The following RIMS2 variants were observed in gnomAD, a reference collection of about 807,000 sequenced individuals.
RIMS2 encodes the protein regulating synaptic membrane exocytosis 2, also known as regulating synaptic membrane exocytosis protein 2.
A neutral mutation model predicts 174.4 loss-of-function variants in RIMS2; 59 were observed. That is an observed-to-expected ratio of 0.34 (90% CI 0.27 to 0.42). RIMS2 has a LOEUF of 0.42. Ranked by LOEUF, RIMS2 falls within the 10% of genes least tolerant of loss-of-function variation. RIMS2 has a pLI of 1.00. For synonymous variants in RIMS2, 606 were observed against 572.5 expected (o/e 1.06, Z -0.84); for missense variants, 1,620 against 1,666.3 (o/e 0.97, Z 0.48).
chr8:103,609,315 A>G (rs542387843), intron 1 of RIMS2, among the ~76,000 whole-genome samples: 1 of 152,242 alleles, frequency 6.6e-6, no homozygotes, highest in East Asian at 1.9e-4. Context: ...TTGTCTGTTC[A>G]CTTTGTTGAT....
chr8:104,061,808 A>G (rs2096997160), intron 19 of RIMS2, among the ~76,000 whole-genome samples: 1 of 151,948 alleles, frequency 6.6e-6, no homozygotes, highest in Non-Finnish European at 1.5e-5. Context: ...CAATTAGATA[A>G]TTACCTGTTT....
At chr8:103,609,014 C>G (rs977209539) in intron 1 of RIMS2, among the ~76,000 whole-genome samples, 3 of 152,112 alleles carry the variant, frequency 2.0e-5, no homozygotes, top group Admixed American at 6.5e-5. Context: ...CTTGGCTCCT[C>G]CCTCCCATTT....
At chr8:103,541,533 T>C (rs1842587055) in intron 1 of RIMS2, among the ~76,000 whole-genome samples, 1 of 152,168 alleles carries the variant, frequency 6.6e-6, no homozygotes, top group South Asian at 2.1e-4. Flanking sequence ...GGAGAGTTAT[T>C]CAAACTGAAA....
intron 19 of RIMS2, among the ~76,000 whole-genome samples, chr8:104,179,815 A>G (rs138220336): frequency 3.2e-4 from 49 of 151,782 alleles, no homozygotes; most frequent in African/African-American, 1.1e-3. Context: ...TCAAAATAAT[A>G]CAAATACCTA....
At chr8:104,183,600 CT>C (rs144284050) in intron 19 of RIMS2, among the ~76,000 whole-genome samples, 379 of 151,418 alleles carry the variant, frequency 2.5e-3, no homozygotes, top group African/African-American at 8.3e-3. Context: ...TAAACTTTGA[CT>C]TTTTTTAGAG....
At chr8:104,206,290 G>T (rs1318610191) in intron 19 of RIMS2, among the ~76,000 whole-genome samples, 1 of 152,158 alleles carries the variant, frequency 6.6e-6, no homozygotes, top group African/African-American at 2.4e-5. Flanking sequence ...ATTAATTTTT[G>T]CATGGTCTGA....
At chr8:104,172,775 G>C (rs1563532506) in intron 19 of RIMS2, among the ~76,000 whole-genome samples, 1 of 152,196 alleles carries the variant, frequency 6.6e-6, no homozygotes, top group Non-Finnish European at 1.5e-5. Context: ...AAGAGGATAT[G>C]ACTAAGTGTG....
At chr8:104,242,578 G>A (rs1419913592) in intron 19 of RIMS2, among the ~76,000 whole-genome samples, 1 of 152,134 alleles carries the variant, frequency 6.6e-6, no homozygotes, top group Non-Finnish European at 1.5e-5. Flanking sequence ...TTGTTTTCAT[G>A]ATATTAACTT....
At chr8:103,778,751 C>A (rs183640746) in intron 3 of RIMS2, among the ~76,000 whole-genome samples, 38 of 152,184 alleles carry the variant, frequency 2.5e-4, no homozygotes, top group Admixed American at 2.3e-3. Flanking sequence ...AATTTCATTT[C>A]TTTTGGATGT....
At chr8:103,580,430 A>G (rs2093537452) in intron 1 of RIMS2, among the ~76,000 whole-genome samples, 1 of 138,290 alleles carries the variant, frequency 7.2e-6, no homozygotes, top group Admixed American at 7.9e-5. Context: ...GTAAAAACAA[A>G]GACTATATGT....
In RIMS2 at chr8:103,587,680, A is replaced by T. The variant is rs199995906; in HGVS notation, c.176+86618A>T. Among the ~76,000 whole-genome samples the T allele has an allele frequency of 2.5e-4, 38 of 152,264 alleles. No individual in the cohort carries two copies. The East Asian group carries it at 4.6e-3, about 19-fold the overall frequency. ...AAAAACCATATGATCATTTTAATTG[A>T]TGCTGAAAAAGCATTTGATAAAATT... On this transcript the variant is annotated intron_variant, in intron 1 of 23. Transcript: ENST00000504942.
chr8:103,782,363 G>A (rs1017263843), intron 3 of RIMS2, among the ~76,000 whole-genome samples: 5 of 151,704 alleles, frequency 3.3e-5, no homozygotes, highest in African/African-American at 1.2e-4. Context: ...TGTTTAGTCT[G>A]TAATGATGAA....
At chr8:103,693,786 C>T (rs1294235406) in intron 1 of RIMS2, among the ~76,000 whole-genome samples, 3 of 152,118 alleles carry the variant, frequency 2.0e-5, no homozygotes, top group African/African-American at 7.2e-5. Flanking sequence ...TGTTGTGGGC[C>T]GATTCATTTG....
chr8:104,000,601 T>C (rs1390505632), intron 17 of RIMS2, among the ~76,000 whole-genome samples: 8 of 151,878 alleles, frequency 5.3e-5, no homozygotes, highest in African/African-American at 1.9e-4. Flanking sequence ...GATCATATGA[T>C]AGTTCCATGT....
rs546530991 is a variant in RIMS2, at chr8:103,793,889, C to A, written c.698+27352C>A. 9.9e-5 allele frequency among the ~76,000 whole-genome samples: 15 copies of A among 152,136 alleles called. No homozygotes were observed. In the South Asian group the frequency reaches 3.1e-3, roughly 32 times the overall value. ...CCAACTTACAAGGGATGTGAAGGAC[C>A]TCTTCAAGGAGAACTACAAACCACT... On this transcript the variant is annotated intron_variant, in intron 3 of 23. Coordinates refer to ENST00000504942, the Ensembl canonical transcript of RIMS2.
At chr8:103,565,504 C>T (rs1423163718) in intron 1 of RIMS2, among the ~76,000 whole-genome samples, 1 of 152,028 alleles carries the variant, frequency 6.6e-6, no homozygotes, top group Non-Finnish European at 1.5e-5. Flanking sequence ...GTCGTTTTTG[C>T]CATTTTGCCC....
chr8:103,800,818 C>A (rs1299242042), intron 3 of RIMS2, among the ~76,000 whole-genome samples: 1 of 152,076 alleles, frequency 6.6e-6, no homozygotes, highest in African/African-American at 2.4e-5. Flanking sequence ...TTGATTTAAT[C>A]AGGGAATGCT....
intron 3 of RIMS2, among the ~76,000 whole-genome samples, chr8:103,785,000 G>GAA (rs1201624552): frequency 7.1e-6 from 1 of 141,728 alleles, no homozygotes; most frequent in African/African-American, 2.7e-5. Flanking sequence ...TTGTAAGTTG[G>GAA]ATTCCTAGGT....
intron 1 of RIMS2, among the ~76,000 whole-genome samples, chr8:103,593,648 C>G (rs754513511): frequency 6.6e-5 from 10 of 151,360 alleles, no homozygotes; most frequent in Non-Finnish European, 1.5e-4. Context: ...AATCCAGCCA[C>G]CTTCTACTAA....
Sources: gnomAD v4.1 joint callset for allele counts (sites outside exome capture counted in the v4.1 genomes callset) on GRCh38, gnomAD v4.1.1 for gene constraint, MANE v1.5 for transcripts, NCBI Gene and HGNC (gene_info 2026-07-23, HGNC 2026-07-21) for gene names.